Variants in GALNT17 observed in about 807,000 individuals in gnomAD.
GALNT17 encodes the protein polypeptide N-acetylgalactosaminyltransferase 17, also known as UDP-GalNAc:polypeptide N-acetylgalactosaminyltransferase-like 3.
Under a neutral mutation model 63.7 loss-of-function variants are expected in GALNT17, and 29 were observed. The ratio of observed to expected loss-of-function variants is 0.46; its 90% CI spans 0.34 to 0.62. The LOEUF is 0.62. Among genes scored for constraint, GALNT17 ranks in the 20% least tolerant of loss-of-function variants. The pLI is 0.01. For missense variants in GALNT17, 603 were observed against 799.6 expected (o/e 0.75, Z 2.97); for synonymous variants, 305 against 318.3 (o/e 0.96, Z 0.45).
At chr7:71,411,866 T>G (rs1793435786) in intron 3 of GALNT17, among the ~76,000 whole-genome samples, 1 of 152,208 alleles carries the variant, frequency 6.6e-6, no homozygotes, top group Non-Finnish European at 1.5e-5. Flanking sequence ...ACTCTGAACC[T>G]TCTCACCCAC....
chr7:71,292,175 T>G (rs1790990605), intron 1 of GALNT17, among the ~76,000 whole-genome samples: 1 of 152,178 alleles, frequency 6.6e-6, no homozygotes, highest in Non-Finnish European at 1.5e-5. Flanking sequence ...ACAGCTGAAT[T>G]AACAAGTCTA....
intron 1 of GALNT17, among the ~76,000 whole-genome samples, chr7:71,234,274 T>G (rs1284500389): frequency 6.6e-6 from 1 of 152,166 alleles, no homozygotes; most frequent in Non-Finnish European, 1.5e-5. Flanking sequence ...GTTTATTTAT[T>G]TATTTGAGTC....
At chr7:71,171,570 G>A (rs543917424) in intron 1 of GALNT17, among the ~76,000 whole-genome samples, 24 of 152,286 alleles carry the variant, frequency 1.6e-4, no homozygotes, top group African/African-American at 3.1e-4. Context: ...GTATCCCACC[G>A]TAATGGAATT....
chr7:71,517,796 G>A (rs1788468388), intron 5 of GALNT17, among the ~76,000 whole-genome samples: 1 of 152,208 alleles, frequency 6.6e-6, no homozygotes, highest in Non-Finnish European at 1.5e-5. Flanking sequence ...ACAGTAGGGA[G>A]ATAGACATGG....
chr7:71,211,727 C>T (rs903592503), intron 1 of GALNT17, among the ~76,000 whole-genome samples: 1 of 152,088 alleles, frequency 6.6e-6, no homozygotes, highest in African/African-American at 2.4e-5. Context: ...AGATGAGGAA[C>T]TTGGGAACTG....
At chr7:71,495,662 C>T (rs541872613) in intron 5 of GALNT17, among the ~76,000 whole-genome samples, 41 of 152,236 alleles carry the variant, frequency 2.7e-4, no homozygotes, top group African/African-American at 9.9e-4. Context: ...AATGGGAGCA[C>T]TATACCTTGG....
At chr7:71,137,322 G>T (rs935278366) in intron 1 of GALNT17, among the ~76,000 whole-genome samples, 7 of 151,352 alleles carry the variant, frequency 4.6e-5, no homozygotes, top group Non-Finnish European at 7.4e-5. Flanking sequence ...TGTATTTTTA[G>T]TAGAGACGGG....
chr7:71,710,114 G>C (rs1791771307), intron 9 of GALNT17, among the ~76,000 whole-genome samples: 1 of 152,142 alleles, frequency 6.6e-6, no homozygotes, highest in African/African-American at 2.4e-5. Context: ...TGAAAGTAGA[G>C]CCATTTAGAA....
intron 2 of GALNT17, among the ~76,000 whole-genome samples, chr7:71,336,621 G>A (rs140283370): frequency 1.3e-5 from 2 of 152,248 alleles, no homozygotes; most frequent in African/African-American, 4.8e-5. Context: ...GAGTTAGTTT[G>A]CTTAGGACAA....
At chr7:71,263,919 G>A (rs62457813) in intron 1 of GALNT17, among the ~76,000 whole-genome samples, 2,150 of 152,218 alleles carry the variant, frequency 0.014, 23 homozygotes, top group Non-Finnish European at 0.022. Flanking sequence ...GCGACATTCC[G>A]TCCCAAAAAA....
At chr7:71,631,898 G>A (rs528554296) in intron 6 of GALNT17, among the ~76,000 whole-genome samples, 1 of 151,788 alleles carries the variant, frequency 6.6e-6, no homozygotes, top group Non-Finnish European at 1.5e-5. Flanking sequence ...GGGTTAACTC[G>A]CCCAGCTGAG....
rs185906888 is a variant in GALNT17, at chr7:71,451,304, C to T, written c.962+30199C>T. ...TAATGTCTTTCTGGATAGTCATTCT[C>T]GACAGCCTTTCCAGGATTTTCAGTG... is the stretch of plus-strand genomic sequence containing the variant. On this transcript the variant is annotated intron_variant, in intron 5 of 10. Coordinates refer to ENST00000333538, the MANE Select transcript of GALNT17 (RefSeq NM_022479.3). Among the ~76,000 whole-genome samples the T allele has an allele frequency of 5.9e-5, 9 of 152,258 alleles. No individual in the cohort carries two copies. The East Asian group carries it at 7.7e-4, about 13-fold the overall frequency.
intron 1 of GALNT17, among the ~76,000 whole-genome samples, chr7:71,263,711 C>T (rs1301262852): frequency 6.6e-6 from 1 of 151,974 alleles, no homozygotes; most frequent in Non-Finnish European, 1.5e-5. Flanking sequence ...ATCACTAGGT[C>T]AGGAGATCGA....
intron 3 of GALNT17, among the ~76,000 whole-genome samples, chr7:71,413,897 G>T (rs866011156): frequency 1.3e-5 from 2 of 152,078 alleles, no homozygotes; most frequent in Non-Finnish European, 2.9e-5. Context: ...CCTGTACATT[G>T]TAAGAGTGAG....
intron 1 of GALNT17, among the ~76,000 whole-genome samples, chr7:71,216,824 C>T (rs1358248134): frequency 6.6e-6 from 1 of 152,084 alleles, no homozygotes; most frequent in Non-Finnish European, 1.5e-5. Flanking sequence ...ATTTTTATTA[C>T]TATAGTAGTT....
intron 1 of GALNT17, among the ~76,000 whole-genome samples, chr7:71,167,644 T>C (rs764894540): frequency 6.6e-6 from 1 of 152,166 alleles, no homozygotes. Context: ...TATCTAAAAA[T>C]CTGTCTAAAA....
At chr7:71,191,168 C>T (rs1788945592) in intron 1 of GALNT17, among the ~76,000 whole-genome samples, 1 of 152,130 alleles carries the variant, frequency 6.6e-6, no homozygotes, top group South Asian at 2.1e-4. Flanking sequence ...ATACATAATA[C>T]AATTTCATCA....
intron 5 of GALNT17, among the ~76,000 whole-genome samples, chr7:71,567,008 T>C (rs535166499): frequency 6.6e-6 from 1 of 152,220 alleles, no homozygotes; most frequent in South Asian, 2.1e-4. Flanking sequence ...TGTGAGCCTA[T>C]TGAGTTCTAG....
At chr7:71,524,644 C>T (rs995950719) in intron 5 of GALNT17, among the ~76,000 whole-genome samples, 9 of 152,262 alleles carry the variant, frequency 5.9e-5, no homozygotes, top group Non-Finnish European at 1.3e-4. Context: ...TATAACTTTT[C>T]TGTGTTAGTT....
Sources: allele counts gnomAD v4.1 joint callset (sites outside exome capture counted in the v4.1 genomes callset), GRCh38; gene constraint gnomAD v4.1.1; transcripts MANE v1.5; gene names NCBI Gene and HGNC (gene_info 2026-07-23, HGNC 2026-07-21).